ANKRD36: variants seen among roughly 807,000 people sequenced by gnomAD.
ANKRD36 encodes the protein ankyrin repeat domain 36, also known as ankyrin repeat domain-containing protein 36A.
ANKRD36 carries 179 observed loss-of-function variants against 278.1 expected under a neutral mutation model. The observed-to-expected ratio is 0.64, with a 90% CI of 0.57 to 0.73. The LOEUF is 0.73. Ranked by LOEUF, ANKRD36 falls within the 30% of genes least tolerant of loss-of-function variation. The pLI is 0.00. For synonymous variants in ANKRD36, 320 were observed against 641.1 expected, an observed-to-expected ratio of 0.50 and a Z score of 7.57; for missense variants, 1,159 against 1,956.7, an observed-to-expected ratio of 0.59 and a Z score of 7.69.
chr2:97,213,822 T>C (rs1194687055), intron 60 of ANKRD36, among the ~76,000 whole-genome samples: 1 of 151,792 alleles, frequency 6.6e-6, no homozygotes, highest in Non-Finnish European at 1.5e-5. Flanking sequence ...CTTCCCCACA[T>C]TGAAATTGGG....
At chr2:97,176,271 A>T (rs975455240) in intron 22 of ANKRD36, among the ~76,000 whole-genome samples, 7 of 150,228 alleles carry the variant, frequency 4.7e-5, no homozygotes, top group African/African-American at 1.7e-4. Flanking sequence ...GTCTCTTTGT[A>T]GGTCACTCAG....
Position 97,215,348 on chromosome 2 carries a change from A to G in ANKRD36, c.3600+19A>G, listed in dbSNP as rs201880765. On this transcript the variant is annotated intron_variant, in intron 61 of 75. Coordinates refer to ENST00000420699, the MANE Select transcript of ANKRD36 (RefSeq NM_001354587.1). ...CTGGAAGGTAATTAAACACTCATATATATTTTGAACTATTAACTGTATAGT... is the reference window on the plus strand; with the variant it reads ...CTGGAAGGTAATTAAACACTCATATGTATTTTGAACTATTAACTGTATAGT... 4.1e-4 allele frequency: 646 copies of G among 1,557,106 alleles called. 6 individuals carry two copies. The highest frequency in any genetic ancestry group is 3.1e-4 in the Admixed American group (16 of 52,040).
At chr2:97,199,997 T>A (rs1401880320) in intron 44 of ANKRD36, among the ~76,000 whole-genome samples, 5 of 151,900 alleles carry the variant, frequency 3.3e-5, no homozygotes, top group African/African-American at 9.7e-5. Flanking sequence ...GTTTTGACAT[T>A]GATTCTCACG....
In ANKRD36 at chr2:97,243,134, C is replaced by T. The variant is rs185175050; in HGVS notation, c.4308-712C>T. 7.2e-3 allele frequency among the ~76,000 whole-genome samples: 974 copies of T among 135,596 alleles called. 19 individuals carry two copies. Among genetic ancestry groups the T allele is most frequent in the South Asian group, 0.017 (63 of 3,708 alleles). The allele number at this position is 135,596 out of a possible 152,430, so 89.0% of individuals were successfully genotyped here. On this transcript the variant is annotated intron_variant, in intron 69 of 75. Coordinates refer to ENST00000420699, the MANE Select transcript of ANKRD36 (RefSeq NM_001354587.1). ...GCCAAATATGAGTGACCGTGGCCCC[C>T]GACACAGCCCTCAGGAGGTCCTGAG... is the stretch of plus-strand genomic sequence containing the variant.
intron 48 of ANKRD36, among the ~76,000 whole-genome samples, chr2:97,202,753 C>G (rs2061742008): frequency 6.6e-6 from 1 of 151,778 alleles, no homozygotes; most frequent in Admixed American, 6.6e-5. Context: ...CATCGTACTG[C>G]TAAAAACAGA....
At chr2:97,154,189 C>T in intron 14 of ANKRD36, among the ~76,000 whole-genome samples, 1 of 146,712 alleles carries the variant, frequency 6.8e-6, no homozygotes, top group Non-Finnish European at 1.5e-5. Flanking sequence ...AGATCTAAGA[C>T]TCCCATTTTC....
chr2:97,228,506 A>G (rs1404608831), intron 67 of ANKRD36, among the ~76,000 whole-genome samples: 1 of 151,974 alleles, frequency 6.6e-6, no homozygotes, highest in Admixed American at 6.6e-5. Context: ...TTTGTATTGC[A>G]TCTATTTGAT....
chr2:97,137,590 TATACAC>T (rs1418337191), intron 6 of ANKRD36, among the ~76,000 whole-genome samples: 3 of 89,506 alleles, frequency 3.4e-5, no homozygotes, highest in Non-Finnish European at 7.4e-5. Context: ...CATATATATA[TATACAC>T]ACACACACAC....
chr2:97,132,461 T>A (rs1021886733), intron 6 of ANKRD36, among the ~76,000 whole-genome samples: 2 of 150,110 alleles, frequency 1.3e-5, no homozygotes, highest in Non-Finnish European at 3.0e-5. Context: ...TTTTTCATTA[T>A]TTTTTGGCAT....
At chr2:97,121,386 A>G (rs918848342) in intron 3 of ANKRD36, among the ~76,000 whole-genome samples, 3 of 152,112 alleles carry the variant, frequency 2.0e-5, no homozygotes, top group Admixed American at 6.6e-5. Flanking sequence ...CACGCCTGTA[A>G]TCCTAGCACT....
In ANKRD36 at chr2:97,196,710, A is replaced by G. The variant is rs750893537; in HGVS notation, c.2581-6A>G. 6.4e-7 allele frequency: 1 copy of G among 1,568,198 alleles called. No homozygotes were observed. The highest frequency in any genetic ancestry group is 1.4e-5 in the African/African-American group (1 of 73,422). On this transcript the variant is annotated splice_polypyrimidine_tract_variant and splice_region_variant and intron_variant, in intron 41 of 75. Coordinates refer to ENST00000420699, the MANE Select transcript of ANKRD36 (RefSeq NM_001354587.1). Reference sequence around the variant, plus strand: ...TATTTATTATTTCGTTTCAAATTCCATTCAGGGTACAAGTGACGAGGAAGA... The same window carrying G: ...TATTTATTATTTCGTTTCAAATTCCGTTCAGGGTACAAGTGACGAGGAAGA...
Position 97,219,031 on chromosome 2 carries a change from T to C in ANKRD36, c.3776-19T>C. 1 of 1,541,126 alleles carries C rather than the reference T, an allele frequency of 6.5e-7. No homozygotes were observed. The highest frequency in any genetic ancestry group is 8.8e-7 in the Non-Finnish European group (1 of 1,139,904). On this transcript the variant is annotated intron_variant, in intron 64 of 75. Coordinates refer to ENST00000420699, the MANE Select transcript of ANKRD36 (RefSeq NM_001354587.1). ...CCATATTTACATATGATTGATTATA[T>C]ATTTCTCTTGCTTGTTAGAGTATCC... is the stretch of plus-strand genomic sequence containing the variant.
At chr2:97,165,582 A>G (rs2050404159) in intron 20 of ANKRD36, among the ~76,000 whole-genome samples, 1 of 152,178 alleles carries the variant, frequency 6.6e-6, no homozygotes, top group South Asian at 2.1e-4. Context: ...TGGCCAAAGT[A>G]TCATTTGGTA....
intron 56 of ANKRD36, among the ~76,000 whole-genome samples, chr2:97,211,080 C>T (rs570093026): frequency 7.9e-5 from 12 of 151,948 alleles, no homozygotes; most frequent in African/African-American, 2.4e-4. Flanking sequence ...GAAATGTCTT[C>T]GTAATTGTGT....
chr2:97,189,136 A>T, intron 33 of ANKRD36, 21 bp downstream of exon 33: 1 of 757,626 alleles, frequency 1.3e-6, no homozygotes, highest in Non-Finnish European at 2.2e-6. Flanking sequence ...TCTCGTTTAC[A>T]TTGTGAACTA....
chr2:97,181,568 G>A lies in ANKRD36; in HGVS notation c.1736-30G>A, dbSNP rs2056214624. 1.7e-5 allele frequency: 27 copies of A among 1,602,812 alleles called. 1 individual carries two copies. Among genetic ancestry groups the A allele is most frequent in the Non-Finnish European group, 2.2e-5 (26 of 1,177,618 alleles). On this transcript the variant is annotated intron_variant, in intron 24 of 75. Coordinates refer to ENST00000420699, the MANE Select transcript of ANKRD36 (RefSeq NM_001354587.1). ...GGATAAATTTATCATATGTACATGT[G>A]AGTGATTATGTTTCCCTTTTGCTTT...
chr2:97,145,702 A>G (rs2044077525), intron 10 of ANKRD36, among the ~76,000 whole-genome samples: 1 of 152,004 alleles, frequency 6.6e-6, no homozygotes, highest in Non-Finnish European at 1.5e-5. Context: ...TTTTTTATAC[A>G]TTTTGATTAG....
chr2:97,150,809 A>G (rs1399018655), intron 12 of ANKRD36, among the ~76,000 whole-genome samples: 1 of 152,120 alleles, frequency 6.6e-6, no homozygotes. Flanking sequence ...TGGGACATAC[A>G]TTACTCTTTC....
At chr2:97,213,364 G>A (rs1318124252) in intron 58 of ANKRD36, 55 bp from the exon 59 acceptor site, 1 of 445,680 alleles carries the variant, frequency 2.2e-6, no homozygotes, top group East Asian at 4.7e-5. Context: ...AGGAATGTAT[G>A]GATAACTTTA....
Sources: allele counts gnomAD v4.1 joint callset (sites outside exome capture counted in the v4.1 genomes callset), GRCh38; gene constraint gnomAD v4.1.1; transcripts MANE v1.5; gene names NCBI Gene and HGNC (gene_info 2026-07-23, HGNC 2026-07-21).